Variants in IQCK observed in about 807,000 individuals in gnomAD.
IQCK encodes the protein IQ domain-containing protein K.
Under a neutral mutation model 28.1 loss-of-function variants are expected in IQCK, and 29 were observed. That is an observed-to-expected ratio of 1.03 (90% CI 0.77 to 1.41). The LOEUF is 1.41. Ranked by LOEUF, IQCK falls within the 40% of genes most tolerant of loss-of-function variation. The pLI, the probability that IQCK is intolerant of heterozygous loss-of-function variation, is 0.00. For missense variants in IQCK, 359 were observed against 314.7 expected, an observed-to-expected ratio of 1.14 and a Z score of -1.07; for synonymous variants, 113 against 115.1, an observed-to-expected ratio of 0.98 and a Z score of 0.12.
At chr16:19,786,304 A>G (rs1041413098) in intron 6 of IQCK, among the ~76,000 whole-genome samples, 1 of 152,018 alleles carries the variant, frequency 6.6e-6, no homozygotes, top group Non-Finnish European at 1.5e-5. Context: ...CTGTAATTCC[A>G]GTGCTTTGGG....
chr16:19,777,051 T>A (rs1187005834), intron 6 of IQCK, among the ~76,000 whole-genome samples: 2 of 152,258 alleles, frequency 1.3e-5, no homozygotes, highest in Admixed American at 6.5e-5. Flanking sequence ...ACTGCCTTTC[T>A]GGTCTCATGT....
chr16:19,829,958 T>G (rs2056208147), downstream of IQCK, among the ~76,000 whole-genome samples: 1 of 152,206 alleles, frequency 6.6e-6, no homozygotes, highest in South Asian at 2.1e-4. Context: ...TCTGCCTGGC[T>G]TAACTCCTAG....
chr16:19,733,586 C>A, intron 2 of IQCK, 112 bp from the exon 3 acceptor site: 1 of 1,276,144 alleles, frequency 7.8e-7, no homozygotes, highest in East Asian at 2.3e-5. Context: ...AGCGTACCCC[C>A]TTGAACCTTA....
chr16:19,820,371 T>C (rs925969800), intron 7 of IQCK, among the ~76,000 whole-genome samples: 4 of 151,812 alleles, frequency 2.6e-5, no homozygotes, highest in African/African-American at 9.7e-5. Context: ...ACAAAATTGC[T>C]GGGCTTGGTG....
chr16:19,724,840 A>G (rs923281530), intron 1 of IQCK, among the ~76,000 whole-genome samples: 55 of 152,220 alleles, frequency 3.6e-4, no homozygotes, highest in African/African-American at 1.3e-3. Context: ...CCACCAGTCA[A>G]TGCTACATTT....
At chr16:19,801,231 A>G (rs1216337721) in intron 7 of IQCK, among the ~76,000 whole-genome samples, 1 of 122,480 alleles carries the variant, frequency 8.2e-6, no homozygotes. Context: ...TCACTAGCAG[A>G]GAAGTTTGAG....
At chr16:19,800,644 G>A (rs1035014161) in intron 7 of IQCK, among the ~76,000 whole-genome samples, 2 of 39,818 alleles carry the variant, frequency 5.0e-5, no homozygotes. Context: ...CATCAGTCAT[G>A]GTAACAAGAT....
At chr16:19,724,503 A>G (rs1365944818) in intron 1 of IQCK, among the ~76,000 whole-genome samples, 1 of 151,882 alleles carries the variant, frequency 6.6e-6, no homozygotes, top group Non-Finnish European at 1.5e-5. Flanking sequence ...CTGTGGGTCA[A>G]TGCTACATTT....
chr16:19,830,179 C>G (rs2056212584), downstream of IQCK, among the ~76,000 whole-genome samples: 1 of 152,210 alleles, frequency 6.6e-6, no homozygotes, highest in African/African-American at 2.4e-5. Flanking sequence ...TGGCTCAGCA[C>G]AGGCCTCTGT....
exon 10 of IQCK, chr16:19,856,762 C>T: frequency 1.8e-6 from 1 of 542,014 alleles, no homozygotes; most frequent in East Asian, 3.1e-5. Context: ...TGCATTATCC[C>T]CACATTTTAT....
At chr16:19,776,580 G>A (rs1250818784) in intron 6 of IQCK, among the ~76,000 whole-genome samples, 4 of 152,126 alleles carry the variant, frequency 2.6e-5, no homozygotes, top group South Asian at 2.1e-4. Flanking sequence ...TGTGGTGCAC[G>A]CCTGTAATAC....
At chr16:19,730,898 A>AT (rs1213191579) in intron 2 of IQCK, among the ~76,000 whole-genome samples, 6 of 151,868 alleles carry the variant, frequency 4.0e-5, no homozygotes, top group Non-Finnish European at 7.4e-5. Flanking sequence ...CGTGCTTGGG[A>AT]TTTTTTGTCG....
At chr16:19,735,485 T>G in intron 4 of IQCK, 35 bp downstream of exon 4, 1 of 1,409,316 alleles carries the variant, frequency 7.1e-7, no homozygotes, top group Non-Finnish European at 1.0e-6. Flanking sequence ...TATTTTGAGA[T>G]TCTCAATCAT....
intron 4 of IQCK, among the ~76,000 whole-genome samples, chr16:19,759,915 A>G (rs979225417): frequency 1.3e-5 from 2 of 152,086 alleles, no homozygotes; most frequent in African/African-American, 2.4e-5. Flanking sequence ...ACTTGAGCCC[A>G]GGAGTTTGAG....
At chr16:19,832,359 G>A (rs993497185) in intron 9 of IQCK, among the ~76,000 whole-genome samples, 4 of 149,864 alleles carry the variant, frequency 2.7e-5, no homozygotes, top group Non-Finnish European at 4.4e-5. Context: ...ACTTCTTAAC[G>A]TTTTGAAGAA....
intron 9 of IQCK, among the ~76,000 whole-genome samples, chr16:19,844,654 C>T (rs2056396020): frequency 6.6e-6 from 1 of 152,132 alleles, no homozygotes; most frequent in Admixed American, 6.5e-5. Flanking sequence ...GTTTTCTTTT[C>T]AGTGGACCGG....
chr16:19,745,578 G>A (rs2054899493), intron 4 of IQCK, among the ~76,000 whole-genome samples: 1 of 152,168 alleles, frequency 6.6e-6, no homozygotes, highest in African/African-American at 2.4e-5. Flanking sequence ...ATTGTATAGT[G>A]TGCTTCTTGC....
At chr16:19,738,216 A>G (rs766373022) in intron 4 of IQCK, among the ~76,000 whole-genome samples, 1 of 152,222 alleles carries the variant, frequency 6.6e-6, no homozygotes, top group Non-Finnish European at 1.5e-5. Context: ...AAGTGAATGC[A>G]TGATTATACA....
intron 9 of IQCK, among the ~76,000 whole-genome samples, chr16:19,832,431 T>G (rs1362200940): frequency 1.3e-5 from 2 of 152,182 alleles, no homozygotes; most frequent in African/African-American, 4.8e-5. Context: ...TTTTGTTTGC[T>G]TAACTGTTTT....
Sources: gnomAD v4.1 joint callset for allele counts (sites outside exome capture counted in the v4.1 genomes callset) on GRCh38, gnomAD v4.1.1 for gene constraint, MANE v1.5 for transcripts, NCBI Gene and HGNC (gene_info 2026-07-23, HGNC 2026-07-21) for gene names.